Variants in KHDRBS2 observed in about 807,000 individuals in gnomAD.
KHDRBS2 encodes the protein KH RNA binding domain containing, signal transduction associated 2, also known as KH domain-containing, RNA-binding, signal transduction-associated protein 2.
Under a neutral mutation model 44.3 loss-of-function variants are expected in KHDRBS2, and 26 were observed. The observed-to-expected ratio is 0.59, with a 90% CI of 0.43 to 0.81. KHDRBS2 has a LOEUF of 0.81. Among genes scored for constraint, KHDRBS2 ranks in the 40% least tolerant of loss-of-function variants. The pLI is 0.00. For synonymous variants in KHDRBS2, 194 were observed against 151.1 expected (o/e 1.28, Z -2.08); for missense variants, 476 against 433.1 (o/e 1.10, Z -0.88).
the KHDRBS2 span, among the ~76,000 whole-genome samples, chr6:61,573,629 A>C: frequency 1.3e-5 from 2 of 152,120 alleles, no homozygotes; most frequent in African/African-American, 4.8e-5. Flanking sequence ...GTCTCTACTA[A>C]AAATACAAAA....
intron 7 of KHDRBS2, among the ~76,000 whole-genome samples, chr6:61,726,877 C>G (rs1457565520): frequency 6.6e-6 from 1 of 152,030 alleles, no homozygotes; most frequent in Non-Finnish European, 1.5e-5. Flanking sequence ...ATACTATTCC[C>G]ATTAAAACTA....
In KHDRBS2 at chr6:62,258,622, T is replaced by C. The variant is rs1473040236; in HGVS notation, c.91+27236A>G. Among the ~76,000 whole-genome samples, 3 of 151,984 alleles carry C rather than the reference T, an allele frequency of 2.0e-5. No individual in the cohort carries two copies. The East Asian group carries it at 5.8e-4, about 29-fold the overall frequency. ...TCATTCATAAAATTATTAAAACATATAAAATAACATTCAGGCTATGTGTAT... is the reference window on the plus strand; with the variant it reads ...TCATTCATAAAATTATTAAAACATACAAAATAACATTCAGGCTATGTGTAT... On this transcript the variant is annotated intron_variant, in intron 1 of 8. Coordinates refer to ENST00000281156, the MANE Select transcript of KHDRBS2 (RefSeq NM_152688.4).
intron 2 of KHDRBS2, among the ~76,000 whole-genome samples, chr6:62,092,933 G>A (rs1799754210): frequency 6.6e-6 from 1 of 151,876 alleles, no homozygotes; most frequent in South Asian, 2.1e-4. Flanking sequence ...CATCAGACAG[G>A]TTAATTTTTA....
chr6:62,249,813 T>C (rs918343870), intron 1 of KHDRBS2, among the ~76,000 whole-genome samples: 4 of 152,086 alleles, frequency 2.6e-5, no homozygotes, highest in Non-Finnish European at 4.4e-5. Flanking sequence ...TCTTCCACTC[T>C]CAGCAAATGA....
chr6:61,556,746 C>T, the KHDRBS2 span, among the ~76,000 whole-genome samples: 1 of 152,174 alleles, frequency 6.6e-6, no homozygotes, highest in Non-Finnish European at 1.5e-5. Context: ...GGTACAAGTG[C>T]TTTAAGCCTT....
At chr6:61,765,589 T>C (rs1779887160) in intron 6 of KHDRBS2, among the ~76,000 whole-genome samples, 1 of 152,158 alleles carries the variant, frequency 6.6e-6, no homozygotes, top group South Asian at 2.1e-4. Flanking sequence ...AGACTGTTAG[T>C]TTTTCCCTGT....
In KHDRBS2 at chr6:62,201,002, G is replaced by A. The variant is rs147186069; in HGVS notation, c.92-23690C>T. Among the ~76,000 whole-genome samples, 897 of 152,164 alleles carry A rather than the reference G, an allele frequency of 5.9e-3. 18 individuals carry two copies. The highest frequency in any genetic ancestry group is 0.043 in the East Asian group (223 of 5,166). ...TCGCAAGGACAAAAAACCAAACACC[G>A]CGTGTTCTCACTCATAGGTGGGACT... On this transcript the variant is annotated intron_variant, in intron 1 of 8. Coordinates refer to ENST00000281156, the MANE Select transcript of KHDRBS2 (RefSeq NM_152688.4).
Position 62,097,307 on chromosome 6 carries a change from T to A in KHDRBS2, c.220-49313A>T, listed in dbSNP as rs148046109. 2.5e-3 allele frequency among the ~76,000 whole-genome samples: 376 copies of A among 152,120 alleles called. 3 individuals carry two copies. Among genetic ancestry groups the A allele is most frequent in the African/African-American group, 8.3e-3 (344 of 41,548 alleles). ...GCTGATTTCCTATTTGGATGATCTGTCCATTGCTGAAAGTGGGGTATTAAA... is the reference window on the plus strand; with the variant it reads ...GCTGATTTCCTATTTGGATGATCTGACCATTGCTGAAAGTGGGGTATTAAA... On this transcript the variant is annotated intron_variant, in intron 2 of 8. Coordinates refer to ENST00000281156, the MANE Select transcript of KHDRBS2 (RefSeq NM_152688.4).
At chr6:61,624,237 T>C in the KHDRBS2 span, among the ~76,000 whole-genome samples, 1 of 152,168 alleles carries the variant, frequency 6.6e-6, no homozygotes, top group Non-Finnish European at 1.5e-5. Flanking sequence ...CCTCCAGAGA[T>C]GGCATGATGG....
At chr6:62,285,628 AT>A (rs1842378399) in intron 1 of KHDRBS2, among the ~76,000 whole-genome samples, 1 of 152,174 alleles carries the variant, frequency 6.6e-6, no homozygotes, top group Non-Finnish European at 1.5e-5. Flanking sequence ...CGCCACTGCC[AT>A]TAGATCTCCG....
chr6:61,661,966 C>T, the KHDRBS2 span, among the ~76,000 whole-genome samples: 1 of 152,010 alleles, frequency 6.6e-6, no homozygotes, highest in Non-Finnish European at 1.5e-5. Context: ...AAGAACAAAG[C>T]TGGAGGCATC....
At chr6:62,054,400 G>A (rs1562736370) in intron 2 of KHDRBS2, among the ~76,000 whole-genome samples, 1 of 152,066 alleles carries the variant, frequency 6.6e-6, no homozygotes, top group Non-Finnish European at 1.5e-5. Context: ...ACATTTGACA[G>A]AGGTAGTGTT....
intron 6 of KHDRBS2, among the ~76,000 whole-genome samples, chr6:61,832,875 C>CA (rs1261198378): frequency 1.3e-5 from 2 of 151,808 alleles, no homozygotes; most frequent in Non-Finnish European, 1.5e-5. Context: ...AAGTCTACAG[C>CA]AAAAAAATAT....
At chr6:61,876,084 T>C (rs1428464388) in intron 6 of KHDRBS2, among the ~76,000 whole-genome samples, 1 of 152,006 alleles carries the variant, frequency 6.6e-6, no homozygotes, top group Non-Finnish European at 1.5e-5. Context: ...ATGACCAACT[T>C]AAAAGATTAG....
At chr6:62,100,958 T>A (rs2127372922) in intron 2 of KHDRBS2, among the ~76,000 whole-genome samples, 1 of 152,290 alleles carries the variant, frequency 6.6e-6, no homozygotes, top group East Asian at 1.9e-4. Flanking sequence ...TTGATGAGAA[T>A]AAACATTCAA....
At chr6:61,582,166 C>T in the KHDRBS2 span, among the ~76,000 whole-genome samples, 1 of 151,382 alleles carries the variant, frequency 6.6e-6, no homozygotes, top group African/African-American at 2.4e-5. Flanking sequence ...AATATGTGAG[C>T]TAAGCATTTA....
At chr6:61,931,060 T>A (rs1288291297) in intron 4 of KHDRBS2, among the ~76,000 whole-genome samples, 1 of 151,958 alleles carries the variant, frequency 6.6e-6, no homozygotes, top group African/African-American at 2.4e-5. Context: ...CAACAAAAAA[T>A]TCAATCATAT....
intron 2 of KHDRBS2, among the ~76,000 whole-genome samples, chr6:62,124,265 A>G (rs1808426186): frequency 6.6e-6 from 1 of 152,138 alleles, no homozygotes; most frequent in Admixed American, 6.5e-5. Flanking sequence ...ATTTCAAGCA[A>G]TTTATAACTT....
the KHDRBS2 span, among the ~76,000 whole-genome samples, chr6:61,612,997 T>C: frequency 1.5e-3 from 229 of 151,522 alleles, 3 homozygotes; most frequent in African/African-American, 5.2e-3. Flanking sequence ...GGACTACAGG[T>C]GCCCGCCACA....
Sources: allele counts gnomAD v4.1 joint callset (sites outside exome capture counted in the v4.1 genomes callset), GRCh38; gene constraint gnomAD v4.1.1; transcripts MANE v1.5; gene names NCBI Gene and HGNC (gene_info 2026-07-23, HGNC 2026-07-21).